CHRM3: variants seen among roughly 807,000 people sequenced by gnomAD.
CHRM3 encodes the protein muscarinic acetylcholine receptor M3.
A neutral mutation model predicts 41.8 loss-of-function variants in CHRM3; 11 were observed. The observed-to-expected ratio is 0.26, with a 90% CI of 0.17 to 0.44. The LOEUF (loss-of-function observed/expected upper bound fraction) is 0.44, where lower values mean the gene tolerates loss of function less well. Ranked by LOEUF, CHRM3 falls within the 20% of genes least tolerant of loss-of-function variation. The pLI, the probability that CHRM3 is intolerant of heterozygous loss-of-function variation, is 1.00. For synonymous variants in CHRM3, 297 were observed against 301.4 expected (o/e 0.99, Z 0.15); for missense variants, 571 against 745.4 (o/e 0.77, Z 2.72).
chr1:239,611,466 G>C (rs972446155), intron 3 of CHRM3, among the ~76,000 whole-genome samples: 1 of 137,258 alleles, frequency 7.3e-6, no homozygotes, highest in African/African-American at 2.6e-5. Flanking sequence ...CTGTTGCTAG[G>C]CTAGAGTGCT....
At chr1:239,391,969 C>T (rs557152881) in intron 1 of CHRM3, among the ~76,000 whole-genome samples, 1 of 152,204 alleles carries the variant, frequency 6.6e-6, no homozygotes, top group South Asian at 2.1e-4. Context: ...CTCATGCCCC[C>T]CTCACCTCAG....
chr1:239,421,011 G>A (rs1241409203), intron 1 of CHRM3, among the ~76,000 whole-genome samples: 1 of 152,058 alleles, frequency 6.6e-6, no homozygotes, highest in Non-Finnish European at 1.5e-5. Flanking sequence ...TATAAAGATT[G>A]CATAAGACCT....
rs560909156 is a variant in CHRM3, at chr1:239,878,500, G to A, written c.-19-28933G>A. ...CTGGCCCATACTCATCTCCTAGTGT[G>A]TGGCCCAGTTCCTAACAGGCCACAG... On this transcript the variant is annotated intron_variant, in intron 6 of 6. Coordinates refer to ENST00000676153, the MANE Select transcript of CHRM3 (RefSeq NM_001375978.1). 3.9e-5 allele frequency among the ~76,000 whole-genome samples: 6 copies of A among 152,142 alleles called. No individual in the cohort carries two copies. In the East Asian group the frequency reaches 1.2e-3, roughly 30 times the overall value.
Position 239,604,177 on chromosome 1 carries a change from G to A in CHRM3, c.-312-28047G>A, listed in dbSNP as rs57529700. On this transcript the variant is annotated intron_variant, in intron 3 of 6. Coordinates refer to ENST00000676153, the MANE Select transcript of CHRM3 (RefSeq NM_001375978.1). ...ACATACTCATGTCTGTGTTTTTTGT[G>A]TTCCTTAAGTTAAAGGTGGTGATTA... 8.9e-3 allele frequency among the ~76,000 whole-genome samples: 1,353 copies of A among 151,940 alleles called. 19 individuals are homozygous for A. Among genetic ancestry groups the A allele is most frequent in the African/African-American group, 0.031 (1,303 of 41,440 alleles).
At chr1:239,874,316 T>TATATATATATATATATAC (rs1558199339) in intron 6 of CHRM3, among the ~76,000 whole-genome samples, 2 of 67,938 alleles carry the variant, frequency 2.9e-5, no homozygotes, top group East Asian at 5.0e-4. Flanking sequence ...TATATATATA[T>TATATATATATATATATAC]ATATATATAT....
intron 6 of CHRM3, among the ~76,000 whole-genome samples, chr1:239,894,191 A>T (rs1002234528): frequency 1.3e-5 from 2 of 152,210 alleles, no homozygotes; most frequent in African/African-American, 4.8e-5. Flanking sequence ...AGATTTGGAA[A>T]CTCAATAAAG....
chr1:239,407,216 C>T (rs572712287), intron 1 of CHRM3, among the ~76,000 whole-genome samples: 2 of 152,028 alleles, frequency 1.3e-5, no homozygotes, highest in Non-Finnish European at 2.9e-5. Flanking sequence ...AAATGCCATC[C>T]GATCAGGCTG....
chr1:239,776,073 C>T (rs190952316), intron 5 of CHRM3, among the ~76,000 whole-genome samples: 1 of 152,226 alleles, frequency 6.6e-6, no homozygotes, highest in East Asian at 1.9e-4. Context: ...CTATTTATCT[C>T]TTTGCTTTCT....
intron 5 of CHRM3, among the ~76,000 whole-genome samples, chr1:239,736,792 G>T (rs1664431024): frequency 6.6e-6 from 1 of 152,092 alleles, no homozygotes; most frequent in Non-Finnish European, 1.5e-5. Context: ...ATAATAAAGT[G>T]TAATTAAGTA....
At position 239,644,629 on chromosome 1, in the gene CHRM3, C is replaced by G. The variant is rs545342885; in HGVS notation, c.-250+12343C>G. Among the ~76,000 whole-genome samples, 6 of 152,202 alleles carry G rather than the reference C, an allele frequency of 3.9e-5. No homozygotes were observed. In the East Asian group the frequency reaches 1.2e-3, roughly 30 times the overall value. ...AACCAAAATTCTTATCAGCCTGTCC[C>G]TTGGAGAGGGTTGTGATGAGAGAGA... On this transcript the variant is annotated intron_variant, in intron 4 of 6. Transcript: ENST00000676153.
chr1:239,650,099 T>A (rs1672103289), intron 4 of CHRM3, among the ~76,000 whole-genome samples: 1 of 152,150 alleles, frequency 6.6e-6, no homozygotes, highest in Admixed American at 6.5e-5. Context: ...CTGGGAGGTG[T>A]CCTGTGCAAG....
intron 1 of CHRM3, among the ~76,000 whole-genome samples, chr1:239,449,206 A>C (rs1172870448): frequency 1.3e-5 from 2 of 152,192 alleles, no homozygotes; most frequent in Non-Finnish European, 2.9e-5. Context: ...CTGCTGTGCA[A>C]ATAAATTAAG....
chr1:239,812,616 G>A (rs1384793443), intron 5 of CHRM3, among the ~76,000 whole-genome samples: 1 of 152,166 alleles, frequency 6.6e-6, no homozygotes, highest in Non-Finnish European at 1.5e-5. Context: ...CACTAATTGT[G>A]TTTTTCTACA....
intron 1 of CHRM3, among the ~76,000 whole-genome samples, chr1:239,449,986 G>C (rs1278725451): frequency 6.6e-6 from 1 of 152,136 alleles, no homozygotes; most frequent in Non-Finnish European, 1.5e-5. Flanking sequence ...TAACAATATA[G>C]GAAGTAGACA....
At chr1:239,588,564 C>T (rs921855599) in intron 3 of CHRM3, among the ~76,000 whole-genome samples, 35 of 152,266 alleles carry the variant, frequency 2.3e-4, no homozygotes, top group African/African-American at 8.2e-4. Context: ...CTCCTGTGAA[C>T]AAAAGATGAT....
At chr1:239,447,182 T>G (rs1378425792) in intron 1 of CHRM3, among the ~76,000 whole-genome samples, 4 of 152,186 alleles carry the variant, frequency 2.6e-5, no homozygotes, top group Non-Finnish European at 5.9e-5. Context: ...TCATCTTGGT[T>G]TTTTTCACAG....
intron 1 of CHRM3, among the ~76,000 whole-genome samples, chr1:239,404,443 A>G (rs1344708359): frequency 2.4e-5 from 3 of 127,002 alleles, no homozygotes; most frequent in African/African-American, 8.8e-5. Flanking sequence ...AGAAAGAAAG[A>G]AAGAAAGAAA....
intron 1 of CHRM3, among the ~76,000 whole-genome samples, chr1:239,404,728 ATATATAT>A (rs1301159445): frequency 9.2e-5 from 12 of 130,230 alleles, no homozygotes; most frequent in East Asian, 6.0e-4. Context: ...AAATATATAT[ATATATAT>A]ATATATATAT....
chr1:239,516,761 G>A (rs35852026), intron 2 of CHRM3, among the ~76,000 whole-genome samples: 7,204 of 152,276 alleles, frequency 0.047, 219 homozygotes, highest in Middle Eastern at 0.082. Flanking sequence ...TCCAGCGAGC[G>A]AAACGTCTGT....
Sources: gnomAD v4.1 joint callset for allele counts (sites outside exome capture counted in the v4.1 genomes callset) on GRCh38, gnomAD v4.1.1 for gene constraint, MANE v1.5 for transcripts, NCBI Gene and HGNC (gene_info 2026-07-23, HGNC 2026-07-21) for gene names.